Variants in STK36 observed in about 807,000 individuals in gnomAD.
STK36 encodes serine/threonine-protein kinase 36.
Under a neutral mutation model 142.2 loss-of-function variants are expected in STK36, and 116 were observed. The ratio of observed to expected loss-of-function variants is 0.82; its 90% CI spans 0.70 to 0.95. The LOEUF is 0.95. Among genes scored for constraint, STK36 ranks in the 40% least tolerant of loss-of-function variants. The probability of loss-of-function intolerance (pLI) is 0.00; values close to 1 mark genes in which losing one functional copy is unlikely to be tolerated. For missense variants in STK36, 1,422 were observed against 1,617.2 expected, an observed-to-expected ratio of 0.88 and a Z score of 2.07; for synonymous variants, 619 against 641.7, an observed-to-expected ratio of 0.96 and a Z score of 0.53.
chr2:218,683,691 C>T (rs1255979799), intron 10 of STK36, among the ~76,000 whole-genome samples: 8 of 152,150 alleles, frequency 5.3e-5, no homozygotes, highest in Non-Finnish European at 1.0e-4. Flanking sequence ...CCCACTAACT[C>T]GTCATCTAGC....
chr2:218,690,374 C>G (rs1363631737), intron 13 of STK36, 76 bp from the exon 14 acceptor site: 2 of 1,198,546 alleles, frequency 1.7e-6, no homozygotes, highest in African/African-American at 3.0e-5. Flanking sequence ...TCCTACCTGC[C>G]CAGGACTGAC....
chr2:218,693,284 G>A lies in STK36; in HGVS notation c.2088G>A (p.Gln696=). 1 of 1,614,230 alleles carries A rather than the reference G, an allele frequency of 6.2e-7. No homozygotes were observed. The highest frequency in any genetic ancestry group is 8.5e-7 in the Non-Finnish European group (1 of 1,180,042). Residue 696 remains glutamine (Q), a synonymous_variant, in exon 17 of 27, where the codon CAG becomes CAA. Transcript: ENST00000295709. ...LANQLTEDSS[Q]LRPSLISGLQ... ...ATCAGCTAACTGAAGACAGCAGCCAGCTCAGGCCATCCCTCATCTCTGGCC... is the reference window on the plus strand; with the variant it reads ...ATCAGCTAACTGAAGACAGCAGCCAACTCAGGCCATCCCTCATCTCTGGCC...
Position 218,694,722 on chromosome 2 carries a change from C to A in STK36, c.2511+87C>A. 1.7e-6 allele frequency: 2 copies of A among 1,178,558 alleles called. No homozygotes were observed. The highest frequency in any genetic ancestry group is 1.2e-6 in the Non-Finnish European group (1 of 802,832). 73.0% of individuals were successfully genotyped at this position (1,178,558 alleles called of 1,614,324 possible). A position where few individuals can be genotyped will look rare whatever the true frequency, so the allele number is the denominator to read the frequency against. The stretch of plus-strand genomic sequence containing the variant: ...CAAGGGGAAAAGACTGAAATGCCAG[C>A]AAGCCTGGAGTAAACTGAGGAATGG... On this transcript the variant is annotated intron_variant, in intron 21 of 26. Coordinates refer to ENST00000295709, the MANE Select transcript of STK36 (RefSeq NM_015690.5). The surrounding 1 kb of genome is among the most constrained non-coding windows in gnomAD (Gnocchi z 4.4).
In STK36 at chr2:218,699,396, T is replaced by C. The variant is rs528049920; in HGVS notation, c.3804+48T>C. 73 of 1,567,906 alleles carry C rather than the reference T, an allele frequency of 4.7e-5. No homozygotes were observed. The South Asian group carries it at 8.6e-4, about 18-fold the overall frequency. On this transcript the variant is annotated intron_variant, in intron 26 of 26. Coordinates refer to ENST00000295709, the MANE Select transcript of STK36 (RefSeq NM_015690.5). The stretch of plus-strand genomic sequence containing the variant: ...ACCATGATGATCAGGGCCCCTATAG[T>C]TGACAACATTTCTCTGAGATCATCT...
intron 13 of STK36, among the ~76,000 whole-genome samples, 200 bp from the exon 14 acceptor site, chr2:218,690,250 A>G (rs373240001): frequency 7.2e-5 from 11 of 152,234 alleles, no homozygotes; most frequent in Non-Finnish European, 1.0e-4. Flanking sequence ...AAGAAAGAAA[A>G]AAAATATGCG....
rs1940010655 is a variant in STK36 at position 218,672,228 on chromosome 2, GC to G, written c.-90+15del. 1.8e-6 allele frequency: 1 copy of G among 551,762 alleles called. No individual in the cohort carries two copies. The highest frequency in any genetic ancestry group is 1.9e-5 in the African/African-American group (1 of 52,572). The allele number at this position is 551,762 out of a possible 1,614,324, so 34.2% of individuals were successfully genotyped here. ...AGCGAGTAAAATTGTAAGAAAGGGAGCCGAAAGAGACCGGAGGGAGAGGCGG... is the reference window on the plus strand; with the variant it reads ...AGCGAGTAAAATTGTAAGAAAGGGAGCGAAAGAGACCGGAGGGAGAGGCGG... On this transcript the variant is annotated intron_variant, in intron 1 of 26. Coordinates refer to ENST00000295709, the MANE Select transcript of STK36 (RefSeq NM_015690.5).
At chr2:218,684,942 G>A in intron 10 of STK36, 143 bp from the exon 11 acceptor site, 1 of 978,150 alleles carries the variant, frequency 1.0e-6, no homozygotes, top group East Asian at 2.6e-5. Context: ...TTTTTAGCAG[G>A]TGACTGAAGA....
In STK36 at chr2:218,679,743, A is replaced by T; in HGVS notation, c.948+14A>T. 6.2e-7 allele frequency: 1 copy of T among 1,614,082 alleles called. No homozygotes were observed. Among genetic ancestry groups the T allele is most frequent in the South Asian group, 1.1e-5 (1 of 91,082 alleles). ...GCCATGCAGAAGGTGTGTGGGGCAG[A>T]GGAAAATATGTGAAATGACCAGGCT... On this transcript the variant is annotated intron_variant, in intron 8 of 26. Transcript: ENST00000295709.
chr2:218,681,798 C>T (rs1940532188), intron 10 of STK36, among the ~76,000 whole-genome samples: 1 of 152,384 alleles, frequency 6.6e-6, no homozygotes, highest in Admixed American at 6.5e-5. Context: ...TTCTTGAAGG[C>T]AGAGCCCTTG....
At chr2:218,672,423 C>T in intron 1 of STK36, 1 of 293,430 alleles carries the variant, frequency 3.4e-6, no homozygotes, top group Non-Finnish European at 6.5e-6. Context: ...AGAGCGGGTG[C>T]TGAGGAGTCT....
Position 218,672,135 on chromosome 2 carries a change from C to A in STK36, c.-170C>A. 1 of 757,398 alleles carries A rather than the reference C, an allele frequency of 1.3e-6. No homozygotes were observed. The highest frequency in any genetic ancestry group is 2.7e-5 in the East Asian group (1 of 37,108). 46.9% of individuals were successfully genotyped at this position (757,398 alleles called of 1,614,324 possible). On this transcript the variant is annotated 5_prime_UTR_variant, in exon 1 of 27. Coordinates refer to ENST00000295709, the MANE Select transcript of STK36 (RefSeq NM_015690.5). ...AGTTCGGATGTGTCCCAGGAAGTGCCCATGTGTGGTCCGCCGTCCATTCCA... is the reference window on the plus strand; with the variant it reads ...AGTTCGGATGTGTCCCAGGAAGTGCACATGTGTGGTCCGCCGTCCATTCCA...
intron 24 of STK36, 81 bp from the exon 25 acceptor site, chr2:218,697,773 G>T: frequency 6.2e-7 from 1 of 1,604,846 alleles, no homozygotes; most frequent in Non-Finnish European, 8.5e-7. Flanking sequence ...GGGGAGTTGG[G>T]CAAAGGAATT....
intron 6 of STK36, among the ~76,000 whole-genome samples, chr2:218,677,152 C>T (rs972148332): frequency 3.3e-5 from 5 of 152,152 alleles, no homozygotes; most frequent in Admixed American, 6.5e-5. Flanking sequence ...AGGCTGGTCT[C>T]GAACTCCCAA....
At chr2:218,695,862 CTTTTTTTTT>C (rs34836020) in intron 21 of STK36, among the ~76,000 whole-genome samples, 2 of 100,042 alleles carry the variant, frequency 2.0e-5, no homozygotes, top group African/African-American at 8.4e-5. Flanking sequence ...ATGTAGAATT[CTTTTTTTTT>C]TTTTTTTTTT....
intron 25 of STK36, 150 bp from the exon 26 acceptor site, chr2:218,698,452 G>A: frequency 1.1e-6 from 1 of 920,852 alleles, no homozygotes; most frequent in Non-Finnish European, 1.6e-6. Context: ...TCCACGTTGT[G>A]TCTCATGTGG....
chr2:218,684,161 G>A (rs1028489126), intron 10 of STK36, among the ~76,000 whole-genome samples: 4 of 146,910 alleles, frequency 2.7e-5, no homozygotes, highest in Non-Finnish European at 5.9e-5. Context: ...GCCCAGGCTG[G>A]AGTGCAATGG....
rs758034350 is a variant in STK36, at chr2:218,692,274, C to A, written c.1896C>A (p.Leu632=). ...GLLHGLTVPQ[L]PVHTPQGAPQ... is the part of the protein sequence containing the mutation. ...TTCATGGCTTGACAGTTCCACAGCT[C>A]CCTGTCCACACTCCCCAAGGTAACC... Residue 632 remains leucine, a synonymous_variant, in exon 15 of 27, where the codon CTC becomes CTA. Coordinates refer to ENST00000295709, the MANE Select transcript of STK36 (RefSeq NM_015690.5). 1.9e-6 allele frequency: 3 copies of A among 1,614,190 alleles called. No individual in the cohort carries two copies. The highest frequency in any genetic ancestry group is 4.5e-5 in the East Asian group (2 of 44,884).
Position 218,693,318 on chromosome 2 carries a change from C to G in STK36, c.2122C>G (p.Pro708Ala). The change falls in exon 17 of 27, where the codon CCC becomes GCC. Residue 708 changes from proline to alanine, a missense_variant. Transcript: ENST00000295709. The part of the protein sequence containing the change: ...RPSLISGLQH[P>A]ILCLHLLKVL... ...ATCCCTCATCTCTGGCCTGCAGCAT[C>G]CCATCCTGTGCCTGCACCTTCTCAA... 1 of 1,614,186 alleles carries G rather than the reference C, an allele frequency of 6.2e-7. No individual in the cohort carries two copies. The highest frequency in any genetic ancestry group is 8.5e-7 in the Non-Finnish European group (1 of 1,180,032).
Position 218,694,114 on chromosome 2 carries a change from C to T in STK36, c.2336+131C>T, listed in dbSNP as rs1941124339. On this transcript the variant is annotated intron_variant, in intron 19 of 26. Coordinates refer to ENST00000295709, the MANE Select transcript of STK36 (RefSeq NM_015690.5). This position sits in a 1 kb window ranked among gnomAD's most constrained non-coding sequence, Gnocchi z 4.4. Reference sequence around the variant, plus strand: ...TGGGATAGAGAGCGTGAAGCTTTCTCTACAAAGAACAGACCTAGACTCCCA... The same window carrying T: ...TGGGATAGAGAGCGTGAAGCTTTCTTTACAAAGAACAGACCTAGACTCCCA... 3 of 1,189,038 alleles carry T rather than the reference C, an allele frequency of 2.5e-6. No individual in the cohort carries two copies. The highest frequency in any genetic ancestry group is 2.3e-5 in the East Asian group (1 of 42,732). The allele number at this position is 1,189,038 out of a possible 1,614,324, so 73.7% of individuals were successfully genotyped here.
Sources: gnomAD v4.1 joint callset for allele counts (sites outside exome capture counted in the v4.1 genomes callset) on GRCh38, gnomAD v4.1.1 for gene constraint, Gnocchi (gnomAD v3.1) non-coding constraint, MANE v1.5 for transcripts, NCBI Gene and HGNC (gene_info 2026-07-23, HGNC 2026-07-21) for gene names.